Variants in VWC2L observed in about 807,000 individuals in gnomAD.
VWC2L encodes the protein von Willebrand factor C domain-containing protein 2-like.
Under a neutral mutation model 21.6 loss-of-function variants are expected in VWC2L, and 10 were observed. The ratio of observed to expected loss-of-function variants is 0.46; its 90% CI spans 0.29 to 0.78. The LOEUF (loss-of-function observed/expected upper bound fraction) is 0.78, where lower values mean the gene tolerates loss of function less well. Ranked by LOEUF, VWC2L falls within the 30% of genes least tolerant of loss-of-function variation. VWC2L has a pLI of 0.10. For missense variants in VWC2L, 209 were observed against 277.1 expected, an observed-to-expected ratio of 0.75 and a Z score of 1.74; for synonymous variants, 96 against 94.3, an observed-to-expected ratio of 1.02 and a Z score of -0.10.
At chr2:214,503,764 G>A (rs1688928732) in intron 3 of VWC2L, among the ~76,000 whole-genome samples, 1 of 151,390 alleles carries the variant, frequency 6.6e-6, no homozygotes, top group South Asian at 2.1e-4. Context: ...AAAAGTTTCT[G>A]TTTCCATGTG....
At chr2:214,486,424 C>T (rs529491504) in intron 3 of VWC2L, among the ~76,000 whole-genome samples, 2 of 152,268 alleles carry the variant, frequency 1.3e-5, no homozygotes, top group East Asian at 3.9e-4. Flanking sequence ...TTGTCACCTT[C>T]TCTTAATTAT....
chr2:214,453,274 T>G (rs1162249566), intron 3 of VWC2L, among the ~76,000 whole-genome samples: 2 of 150,784 alleles, frequency 1.3e-5, no homozygotes, highest in African/African-American at 2.5e-5. Flanking sequence ...GATTGAAGGG[T>G]TTTTTTTTAA....
At chr2:214,570,120 G>C (rs534348942) in intron 3 of VWC2L, among the ~76,000 whole-genome samples, 2 of 152,090 alleles carry the variant, frequency 1.3e-5, no homozygotes, top group African/African-American at 4.8e-5. Flanking sequence ...AGATACACTG[G>C]AAGGTGCTTT....
At chr2:214,474,650 TAG>T (rs1212917400) in intron 3 of VWC2L, among the ~76,000 whole-genome samples, 2 of 152,142 alleles carry the variant, frequency 1.3e-5, no homozygotes, top group East Asian at 1.9e-4. Context: ...CCTGTGGCAA[TAG>T]AGAGACTAGC....
chr2:214,429,046 A>G lies in VWC2L; in HGVS notation c.391-7583A>G, dbSNP rs145639852. Among the ~76,000 whole-genome samples the G allele has an allele frequency of 3.3e-3, 496 of 152,244 alleles. 3 individuals are homozygous for G. Among genetic ancestry groups the G allele is most frequent in the Middle Eastern group, 0.031 (9 of 294 alleles). On this transcript the variant is annotated intron_variant, in intron 2 of 3. Coordinates refer to ENST00000312504, the MANE Select transcript of VWC2L (RefSeq NM_001080500.4). The stretch of plus-strand genomic sequence containing the variant: ...ATAGGCCAGGTCATATTCATCTCCT[A>G]TGATTCTTTCAGGCTGTAGAATTCT...
intron 2 of VWC2L, among the ~76,000 whole-genome samples, chr2:214,434,527 T>C (rs1246794401): frequency 6.6e-6 from 1 of 152,166 alleles, no homozygotes; most frequent in Non-Finnish European, 1.5e-5. Context: ...GGCAGTCCAT[T>C]ATAGCAGTTA....
chr2:214,451,462 A>C (rs1306508579), intron 3 of VWC2L, among the ~76,000 whole-genome samples: 1 of 152,048 alleles, frequency 6.6e-6, no homozygotes, highest in Non-Finnish European at 1.5e-5. Flanking sequence ...GTTGGAGAAG[A>C]TCTATGAATG....
At chr2:214,454,961 T>C (rs1204389866) in intron 3 of VWC2L, among the ~76,000 whole-genome samples, 1 of 152,196 alleles carries the variant, frequency 6.6e-6, no homozygotes, top group Non-Finnish European at 1.5e-5. Context: ...GTCCTTTTTA[T>C]ATAAGATCGA....
intron 3 of VWC2L, among the ~76,000 whole-genome samples, chr2:214,495,592 G>C (rs7600101): frequency 6.6e-6 from 1 of 151,882 alleles, no homozygotes; most frequent in African/African-American, 2.4e-5. Flanking sequence ...AGATCCCTTA[G>C]TCTATTCCTG....
intron 3 of VWC2L, among the ~76,000 whole-genome samples, chr2:214,478,702 C>T (rs2126196012): frequency 6.6e-6 from 1 of 152,302 alleles, no homozygotes; most frequent in South Asian, 2.1e-4. Flanking sequence ...CTGGATCCCT[C>T]TGTCGCATAG....
intron 1 of VWC2L, among the ~76,000 whole-genome samples, chr2:214,413,550 T>C (rs1191573464): frequency 6.6e-6 from 1 of 152,184 alleles, no homozygotes; most frequent in Non-Finnish European, 1.5e-5. Flanking sequence ...GTAACTGATG[T>C]TGACGCCATT....
At chr2:214,471,271 G>A (rs998283639) in intron 3 of VWC2L, among the ~76,000 whole-genome samples, 63 of 152,230 alleles carry the variant, frequency 4.1e-4, no homozygotes, top group African/African-American at 6.7e-4. Flanking sequence ...CATGTCATGC[G>A]TCTATAATTA....
At chr2:214,423,221 G>A (rs1362469857) in intron 2 of VWC2L, among the ~76,000 whole-genome samples, 1 of 151,960 alleles carries the variant, frequency 6.6e-6, no homozygotes, top group Non-Finnish European at 1.5e-5. Context: ...AAAAAGGCAG[G>A]CATTATGGTT....
intron 3 of VWC2L, among the ~76,000 whole-genome samples, chr2:214,503,876 T>C (rs1204791038): frequency 6.6e-6 from 1 of 152,236 alleles, no homozygotes; most frequent in African/African-American, 2.4e-5. Flanking sequence ...ACAGCTACCA[T>C]TAAACTGTTG....
In VWC2L at chr2:214,578,319, A is replaced by G. The variant is rs1421708010; in HGVS notation, c.*2499A>G. The G allele has an allele frequency of 6.6e-6, 1 of 152,212 alleles. No homozygotes were observed. Among genetic ancestry groups the G allele is most frequent in the African/African-American group, 2.4e-5 (1 of 41,450 alleles). The allele number at this position is 152,212 out of a possible 1,614,324, so 9.4% of individuals were successfully genotyped here. A position where few individuals can be genotyped will look rare whatever the true frequency, so the allele number is the denominator to read the frequency against. On this transcript the variant is annotated 3_prime_UTR_variant, in exon 4 of 4. Coordinates refer to ENST00000312504, the MANE Select transcript of VWC2L (RefSeq NM_001080500.4). Reference sequence around the variant, plus strand: ...TCAAAGCATTGGCACAGCGAGAGTCACAGCAAGAATTTACTAGAATTGAAT... The same window carrying G: ...TCAAAGCATTGGCACAGCGAGAGTCGCAGCAAGAATTTACTAGAATTGAAT...
intron 3 of VWC2L, among the ~76,000 whole-genome samples, chr2:214,472,568 A>G (rs374739023): frequency 3.9e-5 from 6 of 152,186 alleles, no homozygotes; most frequent in African/African-American, 1.2e-4. Flanking sequence ...CTCATACATG[A>G]TAAGAACCAC....
intron 3 of VWC2L, among the ~76,000 whole-genome samples, chr2:214,488,796 A>G (rs757392271): frequency 1.3e-5 from 2 of 152,194 alleles, no homozygotes; most frequent in Non-Finnish European, 2.9e-5. Context: ...GAGGAGCCAG[A>G]GTACAGAGAT....
chr2:214,434,198 C>G (rs989474570), intron 2 of VWC2L, among the ~76,000 whole-genome samples: 3 of 152,116 alleles, frequency 2.0e-5, no homozygotes, highest in African/African-American at 7.2e-5. Context: ...GTCTTGTGGT[C>G]TTAGATCTTC....
At chr2:214,480,543 C>T (rs1219442730) in intron 3 of VWC2L, among the ~76,000 whole-genome samples, 1 of 152,226 alleles carries the variant, frequency 6.6e-6, no homozygotes, top group East Asian at 1.9e-4. Context: ...CTTGCACATT[C>T]AAGAAATCTA....
Sources: allele counts gnomAD v4.1 joint callset (sites outside exome capture counted in the v4.1 genomes callset), GRCh38; gene constraint gnomAD v4.1.1; transcripts MANE v1.5; gene names NCBI Gene and HGNC (gene_info 2026-07-23, HGNC 2026-07-21).